Variants in EXOC4 observed in about 807,000 individuals in gnomAD.
EXOC4 encodes SEC8-like 1.
In EXOC4, 71 loss-of-function variants were observed where a neutral mutation model predicts 107.2. The observed-to-expected ratio is 0.66, with a 90% CI of 0.55 to 0.81. The LOEUF (loss-of-function observed/expected upper bound fraction) is 0.81. Among genes scored for constraint, EXOC4 ranks in the 30% least tolerant of loss-of-function variants. The pLI is 0.00. For synonymous variants in EXOC4, 456 were observed against 441.2 expected (o/e 1.03, Z -0.42); for missense variants, 1,108 against 1,189.6 (o/e 0.93, Z 1.01).
At chr7:133,556,770 G>A (rs1291856549) in intron 9 of EXOC4, among the ~76,000 whole-genome samples, 1 of 152,168 alleles carries the variant, frequency 6.6e-6, no homozygotes, top group Non-Finnish European at 1.5e-5. Context: ...TGGATGACTT[G>A]CTGAAGGAGT....
At chr7:134,029,432 G>A (rs1276574027) in intron 17 of EXOC4, among the ~76,000 whole-genome samples, 1 of 152,232 alleles carries the variant, frequency 6.6e-6, no homozygotes, top group Non-Finnish European at 1.5e-5. Context: ...GCTGGATGGA[G>A]AATAGCGGGG....
chr7:133,896,422 T>G (rs573370104), intron 12 of EXOC4, among the ~76,000 whole-genome samples: 6 of 152,150 alleles, frequency 3.9e-5, no homozygotes, highest in Admixed American at 6.5e-5. Context: ...ATATGTGATA[T>G]ATAATGAAGG....
At chr7:133,748,689 A>G (rs1284803261) in intron 10 of EXOC4, among the ~76,000 whole-genome samples, 2 of 152,204 alleles carry the variant, frequency 1.3e-5, no homozygotes, top group Non-Finnish European at 2.9e-5. Context: ...TGAGAGGGTC[A>G]TATAGAGCAC....
At chr7:133,802,436 G>A (rs1796967127) in intron 10 of EXOC4, among the ~76,000 whole-genome samples, 1 of 152,150 alleles carries the variant, frequency 6.6e-6, no homozygotes, top group Admixed American at 6.6e-5. Flanking sequence ...GTCAGTAAAT[G>A]TTAATTGAAT....
chr7:133,577,385 G>A (rs936166668), intron 9 of EXOC4, among the ~76,000 whole-genome samples: 4 of 151,926 alleles, frequency 2.6e-5, no homozygotes, highest in Admixed American at 6.6e-5. Flanking sequence ...CTCAATTTTC[G>A]TTCTCTTTCT....
the EXOC4 span, among the ~76,000 whole-genome samples, chr7:134,083,772 G>T: frequency 3.9e-5 from 6 of 152,126 alleles, no homozygotes; most frequent in Admixed American, 3.9e-4. Flanking sequence ...ATGCTCTAAA[G>T]GTCAAAATGT....
intron 11 of EXOC4, among the ~76,000 whole-genome samples, chr7:133,889,612 C>A (rs1283268967): frequency 8.4e-6 from 1 of 118,978 alleles, no homozygotes; most frequent in Non-Finnish European, 1.7e-5. Flanking sequence ...GTGATATTCC[C>A]CTTCCTGTGT....
chr7:133,289,700 T>C (rs1370059670), intron 3 of EXOC4, among the ~76,000 whole-genome samples: 2 of 152,330 alleles, frequency 1.3e-5, no homozygotes, highest in South Asian at 2.1e-4. Context: ...TTCATGTGGC[T>C]GAGCGTCAAG....
At chr7:133,820,232 C>A (rs1280333621) in intron 11 of EXOC4, among the ~76,000 whole-genome samples, 1 of 130,282 alleles carries the variant, frequency 7.7e-6, no homozygotes, top group Non-Finnish European at 1.5e-5. Context: ...TATGAAAATG[C>A]AAATTATTTA....
At chr7:134,003,192 A>G (rs938432527) in intron 15 of EXOC4, among the ~76,000 whole-genome samples, 4 of 152,166 alleles carry the variant, frequency 2.6e-5, no homozygotes, top group African/African-American at 9.7e-5. Context: ...GAAAAAGCCA[A>G]ACTCAAAAGG....
intron 11 of EXOC4, among the ~76,000 whole-genome samples, chr7:133,870,631 A>G (rs1312788015): frequency 6.6e-6 from 1 of 152,230 alleles, no homozygotes; most frequent in Admixed American, 6.6e-5. Flanking sequence ...CTGTGAGTAC[A>G]AATCTCAGTA....
At chr7:134,037,660 G>C (rs1467691220) in intron 17 of EXOC4, among the ~76,000 whole-genome samples, 1 of 152,112 alleles carries the variant, frequency 6.6e-6, no homozygotes, top group Admixed American at 6.5e-5. Context: ...TTTAGAAGGG[G>C]ATTATCCGCA....
intron 17 of EXOC4, among the ~76,000 whole-genome samples, chr7:134,048,537 A>G (rs908688618): frequency 5.3e-5 from 8 of 152,210 alleles, no homozygotes; most frequent in African/African-American, 1.9e-4. Flanking sequence ...AGGCAGTTTC[A>G]GTCCCCCTCC....
chr7:133,695,441 T>G (rs769652795), intron 10 of EXOC4, among the ~76,000 whole-genome samples: 3 of 152,118 alleles, frequency 2.0e-5, no homozygotes, highest in Non-Finnish European at 4.4e-5. Flanking sequence ...TATGAACATA[T>G]AGGTATCTTT....
At chr7:134,044,709 G>T (rs1210542779) in intron 17 of EXOC4, among the ~76,000 whole-genome samples, 1 of 152,230 alleles carries the variant, frequency 6.6e-6, no homozygotes, top group Non-Finnish European at 1.5e-5. Context: ...ACTTGGAGCA[G>T]TCATCTGCAC....
intron 5 of EXOC4, among the ~76,000 whole-genome samples, chr7:133,330,365 G>A (rs185058958): frequency 5.9e-4 from 90 of 152,018 alleles, no homozygotes; most frequent in African/African-American, 1.9e-3. Context: ...CCTATGCTCC[G>A]TGGGGGTGGG....
chr7:133,277,932 T>A (rs1291281385), intron 2 of EXOC4, among the ~76,000 whole-genome samples: 2 of 152,220 alleles, frequency 1.3e-5, no homozygotes, highest in Admixed American at 1.3e-4. Context: ...GTATTTTTTT[T>A]AAAGTGAAAA....
At chr7:133,717,520 G>T (rs906155463) in intron 10 of EXOC4, among the ~76,000 whole-genome samples, 6 of 152,104 alleles carry the variant, frequency 3.9e-5, no homozygotes, top group African/African-American at 1.4e-4. Context: ...TGAATATATT[G>T]TTTATATATT....
intron 10 of EXOC4, among the ~76,000 whole-genome samples, chr7:133,806,066 A>C (rs1797069374): frequency 6.6e-6 from 1 of 152,216 alleles, no homozygotes; most frequent in East Asian, 1.9e-4. Context: ...CTCCTGGGGC[A>C]TAATTCTTTC....
Sources: gnomAD v4.1 joint callset for allele counts (sites outside exome capture counted in the v4.1 genomes callset) on GRCh38, gnomAD v4.1.1 for gene constraint, MANE v1.5 for transcripts, NCBI Gene and HGNC (gene_info 2026-07-23, HGNC 2026-07-21) for gene names.